Variants in ZDHHC17 observed in about 807,000 individuals in gnomAD.
ZDHHC17 encodes the protein zDHHC palmitoyltransferase 17.
In ZDHHC17, 40 loss-of-function variants were observed where a neutral mutation model predicts 90.3. The observed-to-expected ratio is 0.44, with a 90% CI of 0.34 to 0.58. ZDHHC17 has a LOEUF of 0.58. Among genes scored for constraint, ZDHHC17 ranks in the 20% least tolerant of loss-of-function variants. ZDHHC17 has a pLI of 0.01. For missense variants in ZDHHC17, 614 were observed against 780.8 expected (o/e 0.79, Z 2.55); for synonymous variants, 235 against 252.4 (o/e 0.93, Z 0.65).
At chr12:76,849,524 C>T (rs1701906932) in intron 16 of ZDHHC17, 54 bp downstream of exon 16, 2 of 1,129,620 alleles carry the variant, frequency 1.8e-6, no homozygotes, top group South Asian at 3.0e-5. Context: ...AATTTTCTTA[C>T]TAACCAGACT....
chr12:76,835,057 CCT>C (rs1491316503), intron 10 of ZDHHC17, among the ~76,000 whole-genome samples: 3 of 101,572 alleles, frequency 3.0e-5, no homozygotes, highest in South Asian at 2.9e-4. Context: ...AAGCCTTAGG[CCT>C]TTTTTTTTTT....
intron 9 of ZDHHC17, 51 bp downstream of exon 9, chr12:76,827,101 A>G: frequency 5.4e-6 from 8 of 1,490,880 alleles, no homozygotes; most frequent in Non-Finnish European, 7.1e-6. Context: ...AAATAATATA[A>G]TTTGTACTCT....
chr12:76,767,592 G>A (rs566887095), intron 1 of ZDHHC17, among the ~76,000 whole-genome samples: 40 of 152,284 alleles, frequency 2.6e-4, no homozygotes, highest in Middle Eastern at 6.8e-3. Context: ...GATATTTTTG[G>A]TGTTCAGTGA....
At chr12:76,804,518 G>A (rs1259204758) in intron 2 of ZDHHC17, among the ~76,000 whole-genome samples, 1 of 152,210 alleles carries the variant, frequency 6.6e-6, no homozygotes, top group African/African-American at 2.4e-5. Flanking sequence ...CAGCCAGCCT[G>A]CGAATGTAAC....
At chr12:76,809,209 T>TA in intron 4 of ZDHHC17, 89 bp downstream of exon 4, 2 of 805,200 alleles carry the variant, frequency 2.5e-6, no homozygotes, top group Non-Finnish European at 3.6e-6. Flanking sequence ...CTAAAATGAA[T>TA]AGGAGAGCTT....
At chr12:76,777,170 C>T (rs1464839807) in intron 1 of ZDHHC17, among the ~76,000 whole-genome samples, 2 of 152,202 alleles carry the variant, frequency 1.3e-5, no homozygotes, top group Non-Finnish European at 2.9e-5. Context: ...CCCTTTTATA[C>T]CCATGTGGTC....
At chr12:76,836,823 A>G (rs1463842138) in intron 10 of ZDHHC17, among the ~76,000 whole-genome samples, 1 of 152,098 alleles carries the variant, frequency 6.6e-6, no homozygotes. Context: ...TGTGGTCCAT[A>G]TTTTGGAGTT....
rs1318076858 is a variant in ZDHHC17 at position 76,851,894 on chromosome 12, C to T, written c.*909C>T. On this transcript the variant is annotated 3_prime_UTR_variant, in exon 17 of 17. Coordinates refer to ENST00000426126, the MANE Select transcript of ZDHHC17 (RefSeq NM_015336.4). ...TCAGTAATAGTGATACATGGATATA[C>T]TTCCTTTTAAATTCTCAGCTGCAAA... The T allele has an allele frequency of 6.6e-6, 1 of 152,606 alleles. No individual in the cohort carries two copies. The highest frequency in any genetic ancestry group is 1.5e-5 in the Non-Finnish European group (1 of 68,042). The allele number at this position is 152,606 out of a possible 1,614,324, so 9.5% of individuals were successfully genotyped here. A position where few individuals can be genotyped will look rare whatever the true frequency, so the allele number is the denominator to read the frequency against.
At chr12:76,810,710 G>C (rs928543739) in intron 5 of ZDHHC17, among the ~76,000 whole-genome samples, 5 of 25,190 alleles carry the variant, frequency 2.0e-4, no homozygotes, top group African/African-American at 2.7e-4. Context: ...GGAAGGGGAG[G>C]GGGGGTTATT....
chr12:76,809,582 A>G (rs1179579745), intron 4 of ZDHHC17, 131 bp from the exon 5 acceptor site: 9 of 671,014 alleles, frequency 1.3e-5, no homozygotes, highest in Non-Finnish European at 2.0e-5. Flanking sequence ...TTTGACATGT[A>G]TCTATTTTAA....
At chr12:76,788,020 G>A (rs190950246) in intron 1 of ZDHHC17, among the ~76,000 whole-genome samples, 2 of 152,296 alleles carry the variant, frequency 1.3e-5, no homozygotes, top group African/African-American at 2.4e-5. Context: ...AGGCTGTAGT[G>A]GTGATGATCA....
chr12:76,767,385 T>C (rs527859843), intron 1 of ZDHHC17, among the ~76,000 whole-genome samples: 59 of 152,380 alleles, frequency 3.9e-4, no homozygotes, highest in Non-Finnish European at 7.1e-4. Flanking sequence ...AAATCTCTTA[T>C]TAGTATGCAA....
chr12:76,782,100 T>TA lies in ZDHHC17; in HGVS notation c.94-15327dup, dbSNP rs555655814. ...TTTAGCACCTCCAGCCTATACAAGA[T>TA]AAAAAAAGAATTTAATTTGAGGAAG... On this transcript the variant is annotated intron_variant, in intron 1 of 16. Coordinates refer to ENST00000426126, the MANE Select transcript of ZDHHC17 (RefSeq NM_015336.4). Among the ~76,000 whole-genome samples the TA allele has an allele frequency of 5.8e-3, 884 of 152,212 alleles. 10 individuals carry two copies. Among genetic ancestry groups the TA allele is most frequent in the African/African-American group, 0.021 (859 of 41,546 alleles).
intron 1 of ZDHHC17, among the ~76,000 whole-genome samples, chr12:76,793,196 TC>T (rs1268897680): frequency 6.6e-6 from 1 of 152,222 alleles, no homozygotes; most frequent in Admixed American, 6.5e-5. Context: ...ATACCCAGTA[TC>T]TAAAAACAAA....
intron 2 of ZDHHC17, among the ~76,000 whole-genome samples, chr12:76,799,064 G>C (rs1399314612): frequency 1.3e-5 from 2 of 152,044 alleles, no homozygotes; most frequent in African/African-American, 4.8e-5. Context: ...TTGTGCCTGA[G>C]AATTCGAGGC....
intron 1 of ZDHHC17, among the ~76,000 whole-genome samples, chr12:76,772,186 T>TA (rs1440906116): frequency 1.3e-5 from 2 of 152,240 alleles, no homozygotes; most frequent in African/African-American, 4.8e-5. Flanking sequence ...TGCCTGTTTT[T>TA]ATAGCACAAT....
intron 12 of ZDHHC17, 178 bp from the exon 13 acceptor site, chr12:76,845,531 A>G: frequency 3.1e-6 from 1 of 324,904 alleles, no homozygotes; most frequent in Non-Finnish European, 5.5e-6. Context: ...TTGTTTTTGC[A>G]GTTGAAATTT....
At chr12:76,840,070 G>T (rs949074228) in intron 10 of ZDHHC17, 4 of 151,974 alleles carry the variant, frequency 2.6e-5, no homozygotes, top group African/African-American at 9.7e-5. Flanking sequence ...TGTAAAGTGG[G>T]GATAATAGCA....
chr12:76,792,159 T>C (rs1397354451), intron 1 of ZDHHC17, among the ~76,000 whole-genome samples: 2 of 152,132 alleles, frequency 1.3e-5, no homozygotes, highest in Non-Finnish European at 2.9e-5. Context: ...CTCCTGAGTT[T>C]ATGCTATATA....
Sources: gnomAD v4.1 joint callset for allele counts (sites outside exome capture counted in the v4.1 genomes callset) on GRCh38, gnomAD v4.1.1 for gene constraint, MANE v1.5 for transcripts, NCBI Gene and HGNC (gene_info 2026-07-23, HGNC 2026-07-21) for gene names.